Variants in SCNN1A observed in about 807,000 individuals in gnomAD.
SCNN1A encodes epithelial sodium channel subunit alpha.
A neutral mutation model predicts 68.6 loss-of-function variants in SCNN1A; 65 were observed. The ratio of observed to expected loss-of-function variants is 0.95; its 90% CI spans 0.78 to 1.16. SCNN1A has a LOEUF of 1.16. SCNN1A is among the 50% of genes most tolerant of loss of function. The pLI is 0.00. For synonymous variants in SCNN1A, 357 were observed against 353.3 expected (o/e 1.01, Z -0.12); for missense variants, 880 against 865.9 (o/e 1.02, Z -0.20).
chr12:6,362,399 G>A (rs1948595138), intron 3 of SCNN1A, among the ~76,000 whole-genome samples, 158 bp from the exon 4 acceptor site: 1 of 152,180 alleles, frequency 6.6e-6, no homozygotes, highest in South Asian at 2.1e-4. Flanking sequence ...AGAAGCAGAA[G>A]TCCCTAGGAG....
intron 9 of SCNN1A, 46 bp downstream of exon 9, chr12:6,349,281 T>A (rs1948327655): frequency 1.2e-6 from 2 of 1,613,292 alleles, no homozygotes; most frequent in Admixed American, 3.3e-5. Flanking sequence ...CTTGGCTCGG[T>A]AACCTGTATT....
Position 6,374,764 on chromosome 12 carries a change from T to C in SCNN1A, c.20A>G (p.Glu7Gly). 6.2e-7 allele frequency: 1 copy of C among 1,613,862 alleles called. No individual in the cohort carries two copies. Among genetic ancestry groups the C allele is most frequent in the South Asian group, 1.1e-5 (1 of 91,056 alleles). The change falls in exon 2 of 13, where the codon GAG (glutamate) becomes GGG (glycine). Residue 7 changes from glutamate to glycine, a missense_variant. This residue lies in a region of SCNN1A where 77 missense variants were observed against 67.4 expected (regional missense o/e 1.14). Coordinates refer to ENST00000228916, the MANE Select transcript of SCNN1A (RefSeq NM_001038.6). This position sits in a 1 kb window ranked among gnomAD's most constrained non-coding sequence, Gnocchi z 6.2. MEGNKLEEQDSSPPQST... is the reference protein window; with the variant it reads MEGNKLGEQDSSPPQST... Reference sequence around the variant, plus strand: ...CTGTGGAGGGCTAGAGTCCTGCTCCTCCAGCTTGTTCCCCTCCATGAGACC... The same window carrying C: ...CTGTGGAGGGCTAGAGTCCTGCTCCCCCAGCTTGTTCCCCTCCATGAGACC...
At chr12:6,375,580 G>T (rs569868085), upstream of SCNN1A, 14 of 1,522,352 alleles carry the variant, frequency 9.2e-6, no homozygotes, top group Admixed American at 2.0e-5. Flanking sequence ...AATCTCATTA[G>T]CATCTCAATT....
At chr12:6,366,076 G>A (rs932984688) in intron 2 of SCNN1A, among the ~76,000 whole-genome samples, 3 of 152,038 alleles carry the variant, frequency 2.0e-5, no homozygotes, top group African/African-American at 4.8e-5. Flanking sequence ...GGATGGTCTC[G>A]ATCTCCTGAC....
In SCNN1A at chr12:6,374,690, C is replaced by A; in HGVS notation, c.94G>T (p.Gly32Cys). 3 of 1,614,002 alleles carry A rather than the reference C, an allele frequency of 1.9e-6. No individual in the cohort carries two copies. Among genetic ancestry groups the A allele is most frequent in the Non-Finnish European group, 2.5e-6 (3 of 1,179,972 alleles). The change falls in exon 2 of 13, where the codon GGC (glycine) becomes TGC (cysteine). Residue 32 changes from glycine (G) to cysteine (C), a missense_variant. Physicochemically the swap from Gly to Cys is radical, Grantham distance 159 (BLOSUM62 -3). Coordinates refer to ENST00000228916, the MANE Select transcript of SCNN1A (RefSeq NM_001038.6). The surrounding 1 kb of genome is among the most constrained non-coding windows in gnomAD (Gnocchi z 6.2). Reference sequence around the variant, plus strand: ...TGCTGGGGCGCCGCAGGTTCGGGGCCCAGCCCCTGCTCCTCACGCTTGTTC... The same window carrying A: ...TGCTGGGGCGCCGCAGGTTCGGGGCACAGCCCCTGCTCCTCACGCTTGTTC... ...KGNKREEQGL[G>C]PEPAAPQQPT...
upstream of SCNN1A, chr12:6,375,667 G>A: frequency 6.8e-7 from 1 of 1,470,472 alleles, no homozygotes; most frequent in Non-Finnish European, 9.0e-7. Flanking sequence ...GGGCTCCCGA[G>A]GGCAGGTGAA....
rs1418245644 is a variant in SCNN1A at position 6,347,957 on chromosome 12, A to T, written c.1926T>A (p.Pro642=). ...GGCGGGGGCCCAGGGTGGCATAGGCAGGGGGAGGGGCTGTCAAGGCTGGAG... is the reference window on the plus strand; with the variant it reads ...GGCGGGGGCCCAGGGTGGCATAGGCTGGGGGAGGGGCTGTCAAGGCTGGAG... ...APSPALTAPP[P]AYATLGPRPS... The change falls in exon 13 of 13, where the codon CCT becomes CCA. Residue 642 remains proline (P), a synonymous_variant. Coordinates refer to ENST00000228916, the MANE Select transcript of SCNN1A (RefSeq NM_001038.6). The T allele has an allele frequency of 6.4e-7, 1 of 1,567,552 alleles. No individual in the cohort carries two copies. Among genetic ancestry groups the T allele is most frequent in the Non-Finnish European group, 8.7e-7 (1 of 1,152,304 alleles).
rs963394444 is a variant in SCNN1A at position 6,351,361 on chromosome 12, T to A, written c.1361-1956A>T. Among the ~76,000 whole-genome samples the A allele has an allele frequency of 6.6e-6, 1 of 152,194 alleles. No individual in the cohort carries two copies. The highest frequency in any genetic ancestry group is 6.5e-5 in the Admixed American group (1 of 15,286). On this transcript the variant is annotated intron_variant, in intron 8 of 12. Transcript: ENST00000228916. The surrounding 1 kb of genome is among the most constrained non-coding windows in gnomAD (Gnocchi z 4.2). The stretch of plus-strand genomic sequence containing the variant: ...CAGAATAGCCGGGCGCAGTGGCTCA[T>A]GCCTGTAATCCCAGCACTTGGGGGC...
intron 6 of SCNN1A, 30 bp downstream of exon 6, chr12:6,355,242 C>T (rs1948475236): frequency 1.2e-6 from 2 of 1,605,456 alleles, no homozygotes; most frequent in South Asian, 2.2e-5. Context: ...CTGAGGCGCT[C>T]CTTCCAGGCC....
rs375712066 is a variant in SCNN1A, at chr12:6,354,499, G to A, written c.1299C>T (p.Tyr433=). 42 of 1,613,746 alleles carry A rather than the reference G, an allele frequency of 2.6e-5. No individual in the cohort carries two copies. The Middle Eastern group carries it at 8.5e-4, about 33-fold the overall frequency. The part of the protein sequence containing the change: ...ESMIKECGCA[Y]IFYPRPQNVE... ...CGTTCTGGGGCCGCGGATAGAAGAT[G>A]TAGGCACAGCCACACTCCTTGATCA... Residue 433 remains tyrosine (Y), a synonymous_variant, in exon 8 of 13, where the codon TAC becomes TAT. Transcript: ENST00000228916.
chr12:6,355,545 G>A lies in SCNN1A; in HGVS notation c.980-110C>T. ...CCCAGTCTCTAAAGCTGCAAGAGAA[G>A]CAAGTTCAGGAAGACCCGCAAAGGG... is the stretch of plus-strand genomic sequence containing the variant. On this transcript the variant is annotated intron_variant, in intron 5 of 12. Coordinates refer to ENST00000228916, the MANE Select transcript of SCNN1A (RefSeq NM_001038.6). 4.4e-6 allele frequency: 6 copies of A among 1,370,128 alleles called. No homozygotes were observed. In the South Asian group the frequency reaches 7.5e-5, roughly 17 times the overall value. The allele number at this position is 1,370,128 out of a possible 1,614,324, so 84.9% of individuals were successfully genotyped here.
At position 6,363,533 on chromosome 12, in the gene SCNN1A, G is replaced by A. The variant is rs372705087; in HGVS notation, c.594C>T (p.His198=). The A allele has an allele frequency of 2.5e-5, 41 of 1,609,594 alleles. No individual in the cohort carries two copies. The highest frequency in any genetic ancestry group is 3.1e-5 in the Non-Finnish European group (36 of 1,177,998). The change falls in exon 3 of 13, where the codon CAC becomes CAT. Residue 198 remains histidine, a synonymous_variant. Coordinates refer to ENST00000228916, the MANE Select transcript of SCNN1A (RefSeq NM_001038.6). The part of the protein sequence containing the change: ...LQRLRVPPPP[H]GARRARSVAS... ...CCACGCTACGGGCTCGACGGGCCCC[G>A]TGAGGCGGGGGCGGGACCCTCAGGC...
At position 6,361,263 on chromosome 12, in the gene SCNN1A, T is replaced by C. The variant is rs533474577; in HGVS notation, c.875+788A>G. 2.6e-5 allele frequency among the ~76,000 whole-genome samples: 4 copies of C among 152,334 alleles called. No homozygotes were observed. In the East Asian group the frequency reaches 7.7e-4, roughly 29 times the overall value. ...AAATAGGCTCTGAAGGATGATGTGA[T>C]ACATCCAGAGTCACCTGGCCAGGAA... On this transcript the variant is annotated intron_variant, in intron 4 of 12. Transcript: ENST00000228916.
At chr12:6,350,324 C>G (rs946560835) in intron 8 of SCNN1A, among the ~76,000 whole-genome samples, 1 of 149,826 alleles carries the variant, frequency 6.7e-6, no homozygotes, top group African/African-American at 2.5e-5. Flanking sequence ...CCCAGCTACT[C>G]GGGAGGCTGA....
chr12:6,354,203 C>G (rs977194741), intron 8 of SCNN1A, among the ~76,000 whole-genome samples: 1 of 151,668 alleles, frequency 6.6e-6, no homozygotes, highest in East Asian at 2.0e-4. Context: ...TGCTCTCCAG[C>G]CTGGGTGACA....
intron 3 of SCNN1A, 105 bp from the exon 4 acceptor site, chr12:6,362,346 A>G: frequency 9.8e-7 from 1 of 1,023,946 alleles, no homozygotes; most frequent in Non-Finnish European, 1.6e-6. Context: ...GGACTGACGG[A>G]CAGGAGTCGG....
chr12:6,366,764 C>G lies in SCNN1A; in HGVS notation c.417-3054G>C, dbSNP rs146528291. The stretch of plus-strand genomic sequence containing the variant: ...GCAGGGAGCCAAGATCTCGCCATTG[C>G]ACTCCAGCCTGGGCAACCAGAGCGA... On this transcript the variant is annotated intron_variant, in intron 2 of 12. Transcript: ENST00000228916. Among the ~76,000 whole-genome samples the G allele has an allele frequency of 2.4e-3, 355 of 151,056 alleles. 8 individuals are homozygous for G. The East Asian group carries it at 0.056, about 24-fold the overall frequency.
intron 4 of SCNN1A, among the ~76,000 whole-genome samples, chr12:6,361,295 G>T (rs767810529): frequency 1.5e-4 from 23 of 152,208 alleles, no homozygotes; most frequent in Non-Finnish European, 3.2e-4. Flanking sequence ...GGAAGTGACA[G>T]AGCTAGAGTG....
At chr12:6,348,922 T>C in intron 11 of SCNN1A, 28 bp downstream of exon 11, 1 of 1,613,328 alleles carries the variant, frequency 6.2e-7, no homozygotes, top group East Asian at 2.2e-5. Context: ...GATTCCCTTC[T>C]TGTGGCTGGG....
Sources: gnomAD v4.1 joint callset for allele counts (sites outside exome capture counted in the v4.1 genomes callset) on GRCh38, gnomAD v4.1.1 for gene constraint, gnomAD v4.1.1 regional missense constraint, Gnocchi (gnomAD v3.1) non-coding constraint, MANE v1.5 for transcripts, NCBI Gene and HGNC (gene_info 2026-07-23, HGNC 2026-07-21) for gene names.